TSHZ2: variants seen among roughly 807,000 people sequenced by gnomAD.
TSHZ2 encodes the protein teashirt homolog 2.
In TSHZ2, 21 loss-of-function variants were observed where a neutral mutation model predicts 74.4. The ratio of observed to expected loss-of-function variants is 0.28; its 90% CI spans 0.20 to 0.41. The LOEUF is 0.41. Ranked by LOEUF, TSHZ2 falls within the 10% of genes least tolerant of loss-of-function variation. The pLI is 1.00. For synonymous variants in TSHZ2, 540 were observed against 515.3 expected (o/e 1.05, Z -0.65); for missense variants, 1,244 against 1,293.5 (o/e 0.96, Z 0.59).
intron 2 of TSHZ2, among the ~76,000 whole-genome samples, chr20:53,484,300 G>A (rs1218710508): frequency 1.3e-5 from 2 of 151,900 alleles, no homozygotes; most frequent in African/African-American, 4.8e-5. Flanking sequence ...AAGCTTCAGA[G>A]TAGGAAGGAC....
chr20:53,186,146 G>A (rs1365011244), intron 1 of TSHZ2, among the ~76,000 whole-genome samples: 10 of 152,158 alleles, frequency 6.6e-5, no homozygotes, highest in South Asian at 2.1e-4. Context: ...GGAAGGCTGG[G>A]GCCAGCTTGT....
Position 53,106,697 on chromosome 20 carries a change from A to ATTTT in TSHZ2, c.40+133370_40+133373dup, listed in dbSNP as rs199499312. Reference sequence around the variant, plus strand: ...ACAGGCGTGAGCCACCACGCAGGGCATTTTTTTTTGTTTTTTTTTTGACAC... The same window carrying ATTTT: ...ACAGGCGTGAGCCACCACGCAGGGCATTTTTTTTTTTTTGTTTTTTTTTTGACAC... On this transcript the variant is annotated intron_variant, in intron 1 of 2. Coordinates refer to ENST00000371497, the MANE Select transcript of TSHZ2 (RefSeq NM_173485.6). Among the ~76,000 whole-genome samples, 3 of 93,542 alleles carry ATTTT rather than the reference A, an allele frequency of 3.2e-5. 1 individual carries two copies. Among genetic ancestry groups the ATTTT allele is most frequent in the African/African-American group, 8.7e-5 (2 of 22,872 alleles). The allele number at this position is 93,542 out of a possible 152,430, so 61.4% of individuals were successfully genotyped here. A position where few individuals can be genotyped will look rare whatever the true frequency, so the allele number is the denominator to read the frequency against.
chr20:53,186,968 C>T (rs1354653335), intron 1 of TSHZ2, among the ~76,000 whole-genome samples: 1 of 152,042 alleles, frequency 6.6e-6, no homozygotes, highest in Admixed American at 6.5e-5. Flanking sequence ...TCCTTAATTA[C>T]ACTTCTGCCA....
intron 2 of TSHZ2, among the ~76,000 whole-genome samples, chr20:53,358,103 A>G (rs1315498712): frequency 2.0e-5 from 3 of 152,130 alleles, no homozygotes; most frequent in Non-Finnish European, 4.4e-5. Flanking sequence ...TGCCATAATG[A>G]ACCCAGCACA....
At chr20:53,189,856 G>A (rs976460328) in intron 1 of TSHZ2, among the ~76,000 whole-genome samples, 4 of 151,536 alleles carry the variant, frequency 2.6e-5, no homozygotes, top group African/African-American at 9.7e-5. Flanking sequence ...GGCCAAGGTG[G>A]GCAGATTGCT....
At chr20:53,377,983 C>T (rs918169035) in intron 2 of TSHZ2, among the ~76,000 whole-genome samples, 2 of 152,094 alleles carry the variant, frequency 1.3e-5, no homozygotes, top group Non-Finnish European at 2.9e-5. Context: ...AATGTGAAGA[C>T]AAAATATCCT....
intron 1 of TSHZ2, among the ~76,000 whole-genome samples, chr20:53,134,468 C>A (rs1156714472): frequency 6.6e-6 from 1 of 152,080 alleles, no homozygotes; most frequent in Non-Finnish European, 1.5e-5. Flanking sequence ...ATTTTCTCAT[C>A]ATTTGACACT....
intron 1 of TSHZ2, among the ~76,000 whole-genome samples, chr20:53,022,829 G>A (rs759220621): frequency 2.1e-4 from 32 of 152,278 alleles, no homozygotes; most frequent in Admixed American, 4.6e-4. Flanking sequence ...GAACCTAAAG[G>A]ATTGATTGAG....
intron 1 of TSHZ2, among the ~76,000 whole-genome samples, chr20:53,013,391 A>G (rs182037163): frequency 6.6e-6 from 1 of 152,274 alleles, no homozygotes; most frequent in Admixed American, 6.5e-5. Context: ...CCAGCTTTAT[A>G]AAGAGGAAAT....
chr20:53,468,193 T>A (rs1600664040), intron 2 of TSHZ2, among the ~76,000 whole-genome samples: 1 of 152,152 alleles, frequency 6.6e-6, no homozygotes, highest in African/African-American at 2.4e-5. Context: ...TCTTATCATT[T>A]TTATTTAGAT....
At chr20:53,243,927 T>G (rs144706955) in intron 1 of TSHZ2, among the ~76,000 whole-genome samples, 53 of 152,064 alleles carry the variant, frequency 3.5e-4, no homozygotes, top group African/African-American at 1.2e-3. Flanking sequence ...GCTAATGCAG[T>G]TAGACATTTT....
intron 1 of TSHZ2, among the ~76,000 whole-genome samples, chr20:53,066,086 C>T (rs1293435): frequency 0.15 from 23,115 of 152,104 alleles, 2,222 homozygotes; most frequent in East Asian, 0.3. Flanking sequence ...TGCTCAGTTG[C>T]AGCACGCAAG....
At chr20:53,090,585 A>G (rs946724006) in intron 1 of TSHZ2, among the ~76,000 whole-genome samples, 1 of 152,186 alleles carries the variant, frequency 6.6e-6, no homozygotes, top group Non-Finnish European at 1.5e-5. Flanking sequence ...GCACCTCTGT[A>G]AGACTGAGGT....
intron 1 of TSHZ2, among the ~76,000 whole-genome samples, chr20:53,128,177 T>TG (rs35425645): frequency 0.3 from 44,565 of 150,886 alleles, 6,904 homozygotes; most frequent in African/African-American, 0.39. Flanking sequence ...TAGATGGTGG[T>TG]GGGGAAAGGG....
At chr20:53,248,241 T>A (rs1463637628) in intron 1 of TSHZ2, among the ~76,000 whole-genome samples, 2 of 151,894 alleles carry the variant, frequency 1.3e-5, no homozygotes, top group African/African-American at 4.8e-5. Context: ...TGGCTATTTT[T>A]TTTTTATTTT....
At chr20:53,190,360 G>A (rs1423535749) in intron 1 of TSHZ2, among the ~76,000 whole-genome samples, 1 of 151,290 alleles carries the variant, frequency 6.6e-6, no homozygotes, top group Non-Finnish European at 1.5e-5. Context: ...CCCCATTAAT[G>A]ACTTACACCA....
At chr20:53,298,351 G>T (rs1043968233) in intron 2 of TSHZ2, among the ~76,000 whole-genome samples, 32 of 152,252 alleles carry the variant, frequency 2.1e-4, no homozygotes, top group African/African-American at 7.7e-4. Context: ...CATCGCACTG[G>T]GTCTGAGAAC....
chr20:53,034,688 C>T (rs531196523), intron 1 of TSHZ2, among the ~76,000 whole-genome samples: 1 of 152,128 alleles, frequency 6.6e-6, no homozygotes, highest in Non-Finnish European at 1.5e-5. Flanking sequence ...GATTTGAGGG[C>T]GAGGGCTTCC....
At chr20:53,319,038 G>A (rs1052845774) in intron 2 of TSHZ2, among the ~76,000 whole-genome samples, 7 of 152,224 alleles carry the variant, frequency 4.6e-5, no homozygotes, top group Middle Eastern at 3.4e-3. Context: ...AGAATAGCAC[G>A]GGCAAGGCTC....
Sources: allele counts gnomAD v4.1 joint callset (sites outside exome capture counted in the v4.1 genomes callset), GRCh38; gene constraint gnomAD v4.1.1; transcripts MANE v1.5; gene names NCBI Gene and HGNC (gene_info 2026-07-23, HGNC 2026-07-21).